The following MUCL1 variants were observed in gnomAD, a reference collection of about 807,000 sequenced individuals.
MUCL1 encodes the protein mucin like 1, also known as mucin-like protein 1.
In MUCL1, 11 loss-of-function variants were observed where a neutral mutation model predicts 9.2. The ratio of observed to expected loss-of-function variants is 1.19; its 90% CI spans 0.75 to 1.97. The LOEUF is 1.97. Ranked by LOEUF, MUCL1 falls within the 30% of genes most tolerant of loss-of-function variation. The pLI is 0.00. For synonymous variants in MUCL1, 48 were observed against 40.5 expected (o/e 1.19, Z -0.71); for missense variants, 144 against 110.9 (o/e 1.30, Z -1.34).
At chr12:54,835,831 T>C (rs994136731), upstream of MUCL1, among the ~76,000 whole-genome samples, 3 of 152,198 alleles carry the variant, frequency 2.0e-5, no homozygotes, top group African/African-American at 7.2e-5. Context: ...TCCGTTGAGA[T>C]GATCATGTGA....
At chr12:54,844,160 T>C (rs1286187818) in intron 1 of MUCL1, among the ~76,000 whole-genome samples, 2 of 152,178 alleles carry the variant, frequency 1.3e-5, no homozygotes, top group Admixed American at 6.6e-5. Context: ...TTTTTCAACA[T>C]TTGGGAAGCA....
chr12:54,838,188 A>G (rs76488861), upstream of MUCL1, among the ~76,000 whole-genome samples: 1 of 152,174 alleles, frequency 6.6e-6, no homozygotes, highest in Non-Finnish European at 1.5e-5. Flanking sequence ...CATTTATAAA[A>G]CTTAGTTTTG....
upstream of MUCL1, among the ~76,000 whole-genome samples, chr12:54,834,592 G>C (rs1003956665): frequency 1.3e-5 from 2 of 151,918 alleles, no homozygotes; most frequent in Admixed American, 6.6e-5. Flanking sequence ...TCTTTACATA[G>C]TTACTATTTT....
chr12:54,854,685 C>A (rs1165958478), intron 1 of MUCL1, 45 bp downstream of exon 1: 5 of 1,516,226 alleles, frequency 3.3e-6, no homozygotes, highest in Non-Finnish European at 4.6e-6. Context: ...TGGGAATATA[C>A]ATAAAATATC....
Position 54,856,827 on chromosome 12 carries a change from C to T in MUCL1, c.158C>T (p.Ala53Val), listed in dbSNP as rs550948813. ...DAETTAAATT[A>V]TTAAPTTATT... ...GAAACCACTGCTGCTGCAACCACTG[C>T]AACCACTGCTGCTCCTACCACTGCA... The change falls in exon 3 of 4, where the codon GCA becomes GTA. Residue 53 changes from alanine to valine, a missense_variant. Physicochemically the swap from Ala to Val is moderately conservative, Grantham distance 64 (BLOSUM62 0). Coordinates refer to ENST00000308796, the MANE Select transcript of MUCL1 (RefSeq NM_058173.3). The T allele has an allele frequency of 3.7e-5, 60 of 1,612,150 alleles. No homozygotes were observed. The highest frequency in any genetic ancestry group is 4.3e-5 in the Non-Finnish European group (51 of 1,178,598).
intron 3 of MUCL1, among the ~76,000 whole-genome samples, chr12:54,857,781 C>T (rs1056945437): frequency 2.0e-5 from 3 of 152,136 alleles, no homozygotes; most frequent in African/African-American, 7.2e-5. Context: ...ATCAAAGTCC[C>T]TAAGAAATTT....
At chr12:54,849,206 A>C (rs1448921926) in intron 1 of MUCL1, among the ~76,000 whole-genome samples, 1 of 152,154 alleles carries the variant, frequency 6.6e-6, no homozygotes, top group East Asian at 1.9e-4. Flanking sequence ...GGTCACTTGC[A>C]TCTACATATA....
intron 1 of MUCL1, among the ~76,000 whole-genome samples, chr12:54,845,268 G>A (rs1396873062): frequency 6.6e-6 from 1 of 152,100 alleles, no homozygotes; most frequent in Non-Finnish European, 1.5e-5. Context: ...AATGCATATA[G>A]CAGTCAATGC....
chr12:54,851,041 T>C (rs1959330642), upstream of MUCL1, among the ~76,000 whole-genome samples: 2 of 152,196 alleles, frequency 1.3e-5, no homozygotes, highest in Non-Finnish European at 2.9e-5. Flanking sequence ...TTTGAATTCA[T>C]TGTAGATTCT....
At chr12:54,851,370 A>G (rs563241772), upstream of MUCL1, among the ~76,000 whole-genome samples, 12 of 152,210 alleles carry the variant, frequency 7.9e-5, no homozygotes, top group African/African-American at 2.9e-4. Context: ...AAATCAATAC[A>G]CGTAATCCAG....
In MUCL1 at chr12:54,848,563, T is replaced by C. The variant is rs75492256; in HGVS notation, c.44-6553T>C. ...TTTTATTTTTATAAAAGATAATAAG[T>C]TAATATTTCGTATATACTCAGAATC... is the stretch of plus-strand genomic sequence containing the variant. On this transcript the variant is annotated intron_variant, in intron 1 of 3. Transcript: ENST00000546809. Among the ~76,000 whole-genome samples, 194 of 152,272 alleles carry C rather than the reference T, an allele frequency of 1.3e-3. 2 individuals are homozygous for C. Among genetic ancestry groups the C allele is most frequent in the African/African-American group, 4.5e-3 (188 of 41,560 alleles).
chr12:54,853,724 C>T (rs1378068), upstream of MUCL1, among the ~76,000 whole-genome samples: 65,268 of 151,750 alleles, frequency 0.43, 14,349 homozygotes, highest in Non-Finnish European at 0.47. Flanking sequence ...TCTTTCTTTA[C>T]TTTTTTAGTG....
chr12:54,857,254 G>GTGTC (rs1415472137), intron 3 of MUCL1, among the ~76,000 whole-genome samples: 6 of 151,710 alleles, frequency 4.0e-5, no homozygotes, highest in African/African-American at 1.5e-4. Flanking sequence ...GTGTGTGTGT[G>GTGTC]TGTGTGTGTG....
chr12:54,850,315 C>A (rs1197756403), upstream of MUCL1, among the ~76,000 whole-genome samples: 4 of 140,540 alleles, frequency 2.8e-5, no homozygotes, highest in Admixed American at 2.1e-4. Flanking sequence ...CCCCCTCCCC[C>A]CACCCCACCA....
At chr12:54,843,875 G>T (rs1177487762) in intron 1 of MUCL1, among the ~76,000 whole-genome samples, 1 of 152,158 alleles carries the variant, frequency 6.6e-6, no homozygotes, top group Non-Finnish European at 1.5e-5. Context: ...AAGGCACTAA[G>T]TTGGTGGTAA....
intron 2 of MUCL1, among the ~76,000 whole-genome samples, chr12:54,855,984 G>C (rs993616953): frequency 6.6e-6 from 1 of 152,174 alleles, no homozygotes; most frequent in Non-Finnish European, 1.5e-5. Context: ...TTGCTGAGGT[G>C]AGTCTAACTC....
chr12:54,835,693 G>T (rs371489214), upstream of MUCL1, among the ~76,000 whole-genome samples: 140 of 151,212 alleles, frequency 9.3e-4, 3 homozygotes, highest in East Asian at 2.3e-3. Flanking sequence ...TCCCCGTTCA[G>T]TATGATGCTG....
At chr12:54,856,962 C>G in intron 3 of MUCL1, 70 bp downstream of exon 3, 1 of 1,601,204 alleles carries the variant, frequency 6.2e-7, no homozygotes, top group Non-Finnish European at 8.5e-7. Context: ...TCTATTCTCA[C>G]AGAGACTCTA....
intron 1 of MUCL1, among the ~76,000 whole-genome samples, chr12:54,840,337 T>C (rs938174195): frequency 6.6e-6 from 1 of 152,200 alleles, no homozygotes; most frequent in Non-Finnish European, 1.5e-5. Context: ...ACTCAGGACC[T>C]CCTGCTCAGC....
Sources: gnomAD v4.1 joint callset for allele counts (sites outside exome capture counted in the v4.1 genomes callset) on GRCh38, gnomAD v4.1.1 for gene constraint, MANE v1.5 for transcripts, NCBI Gene and HGNC (gene_info 2026-07-23, HGNC 2026-07-21) for gene names.